The following KCNT2 variants were observed in gnomAD, a reference collection of about 807,000 sequenced individuals.
KCNT2 encodes the protein potassium sodium-activated channel subfamily T member 2, also known as potassium channel subfamily T member 2.
In KCNT2, 67 loss-of-function variants were observed where a neutral mutation model predicts 153.8. The ratio of observed to expected loss-of-function variants is 0.44; its 90% CI spans 0.36 to 0.53. The LOEUF is 0.53. KCNT2 is among the 20% of genes least tolerant of loss of function. The pLI is 0.00. For synonymous variants in KCNT2, 500 were observed against 458.8 expected (o/e 1.09, Z -1.15); for missense variants, 975 against 1,354.8 (o/e 0.72, Z 4.40).
chr1:196,478,176 G>A (rs1161136827), intron 5 of KCNT2, among the ~76,000 whole-genome samples: 2 of 152,026 alleles, frequency 1.3e-5, no homozygotes, highest in African/African-American at 4.8e-5. Flanking sequence ...GATTTCTTTA[G>A]CTTCTACCTT....
In KCNT2 at chr1:196,538,030, T is replaced by C. The variant is rs370152329; in HGVS notation, c.96-45689A>G. Among the ~76,000 whole-genome samples the C allele has an allele frequency of 2.0e-4, 31 of 152,208 alleles. No individual in the cohort carries two copies. The South Asian group carries it at 6.0e-3, about 30-fold the overall frequency. On this transcript the variant is annotated intron_variant, in intron 1 of 27. Coordinates refer to ENST00000294725, the MANE Select transcript of KCNT2 (RefSeq NM_198503.5). Reference sequence around the variant, plus strand: ...TCCTTTCCTGAGCTGTGTAGCCAGGTTTCCAGGTGCCCCACCTGCTCCTGA... The same window carrying C: ...TCCTTTCCTGAGCTGTGTAGCCAGGCTTCCAGGTGCCCCACCTGCTCCTGA...
chr1:196,371,460 T>C (rs1199018199), intron 14 of KCNT2, among the ~76,000 whole-genome samples: 1 of 152,002 alleles, frequency 6.6e-6, no homozygotes, highest in African/African-American at 2.4e-5. Context: ...ACTTTTAACA[T>C]ATTGAATTGT....
intron 11 of KCNT2, among the ~76,000 whole-genome samples, chr1:196,423,850 GA>G (rs1040079241): frequency 2.6e-5 from 4 of 151,810 alleles, no homozygotes; most frequent in Non-Finnish European, 5.9e-5. Context: ...ATGAGTGTTG[GA>G]TAACTTTCTT....
At chr1:196,386,334 T>C (rs1479407218) in intron 13 of KCNT2, among the ~76,000 whole-genome samples, 3 of 152,136 alleles carry the variant, frequency 2.0e-5, no homozygotes, top group African/African-American at 7.2e-5. Flanking sequence ...ATTTACATTG[T>C]TGTTTATACC....
chr1:196,243,389 G>C (rs547812632), intron 26 of KCNT2, among the ~76,000 whole-genome samples: 1 of 152,168 alleles, frequency 6.6e-6, no homozygotes, highest in Non-Finnish European at 1.5e-5. Context: ...CAAAGATGAG[G>C]TGAGCAACTA....
intron 8 of KCNT2, among the ~76,000 whole-genome samples, chr1:196,439,009 TTTAAAG>T (rs1263858749): frequency 2.6e-5 from 4 of 151,922 alleles, no homozygotes. Context: ...TACCTATTTT[TTTAAAG>T]TTTATGCACT....
intron 27 of KCNT2, among the ~76,000 whole-genome samples, chr1:196,228,907 C>T (rs1048747754): frequency 2.0e-5 from 3 of 151,828 alleles, no homozygotes; most frequent in African/African-American, 4.8e-5. Flanking sequence ...TAATGCATAA[C>T]GTTTAAATTA....
chr1:196,604,675 G>T (rs569091678), intron 1 of KCNT2, among the ~76,000 whole-genome samples: 2 of 151,550 alleles, frequency 1.3e-5, no homozygotes, highest in African/African-American at 2.4e-5. Flanking sequence ...TAAGGATGGC[G>T]TAAAGATAAT....
At chr1:196,452,496 C>T (rs545297617) in intron 8 of KCNT2, among the ~76,000 whole-genome samples, 1 of 152,052 alleles carries the variant, frequency 6.6e-6, no homozygotes, top group African/African-American at 2.4e-5. Context: ...CCCTCAACAA[C>T]CTGTGTACAG....
At position 196,544,283 on chromosome 1, in the gene KCNT2, C is replaced by A. The variant is rs145150552; in HGVS notation, c.96-51942G>T. The stretch of plus-strand genomic sequence containing the variant: ...ACAAAACAGACTATATAGCCACCAT[C>A]ATTTGTAAAAAGAAATATATATATT... On this transcript the variant is annotated intron_variant, in intron 1 of 27. Coordinates refer to ENST00000294725, the MANE Select transcript of KCNT2 (RefSeq NM_198503.5). Among the ~76,000 whole-genome samples, 83 of 151,936 alleles carry A rather than the reference C, an allele frequency of 5.5e-4. 1 individual carries two copies. The East Asian group carries it at 0.015, about 27-fold the overall frequency.
intron 21 of KCNT2, among the ~76,000 whole-genome samples, chr1:196,307,829 A>T (rs1467145942): frequency 1.3e-5 from 2 of 152,092 alleles, no homozygotes; most frequent in African/African-American, 4.8e-5. Context: ...TGGAAAAAAA[A>T]TGTCAATTGA....
chr1:196,569,555 G>C (rs1253242174), intron 1 of KCNT2, among the ~76,000 whole-genome samples: 1 of 152,048 alleles, frequency 6.6e-6, no homozygotes, highest in Non-Finnish European at 1.5e-5. Context: ...GTCTCTATTT[G>C]ATATGTACCA....
At chr1:196,352,402 A>G (rs1304549183) in intron 14 of KCNT2, among the ~76,000 whole-genome samples, 2 of 151,928 alleles carry the variant, frequency 1.3e-5, no homozygotes, top group Non-Finnish European at 2.9e-5. Flanking sequence ...TGGTCTATTC[A>G]GAGATTCAAC....
chr1:196,543,762 T>C (rs545368614), intron 1 of KCNT2, among the ~76,000 whole-genome samples: 4 of 152,246 alleles, frequency 2.6e-5, no homozygotes, highest in Non-Finnish European at 5.9e-5. Context: ...TGTGAGGATA[T>C]AGAAAACCTG....
At chr1:196,252,891 T>C (rs1440408623) in intron 26 of KCNT2, among the ~76,000 whole-genome samples, 2 of 151,566 alleles carry the variant, frequency 1.3e-5, no homozygotes, top group East Asian at 3.9e-4. Flanking sequence ...TTTTTTTGTT[T>C]TGTAAAGTTT....
intron 22 of KCNT2, among the ~76,000 whole-genome samples, chr1:196,301,413 T>C (rs1024897756): frequency 7.2e-5 from 11 of 152,184 alleles, no homozygotes; most frequent in Non-Finnish European, 1.5e-4. Context: ...AGCAAACCTC[T>C]GGAGGGCAAA....
intron 8 of KCNT2, among the ~76,000 whole-genome samples, chr1:196,432,245 T>C (rs1287797364): frequency 6.6e-6 from 1 of 152,094 alleles, no homozygotes; most frequent in Non-Finnish European, 1.5e-5. Context: ...ACCTTTCCTC[T>C]AGATTTCAAA....
intron 1 of KCNT2, among the ~76,000 whole-genome samples, chr1:196,532,941 A>G (rs1655132710): frequency 6.6e-6 from 1 of 152,080 alleles, no homozygotes; most frequent in Admixed American, 6.6e-5. Flanking sequence ...GTAAATCTGG[A>G]GCATTCAAAA....
At chr1:196,562,486 T>G (rs137993498) in intron 1 of KCNT2, among the ~76,000 whole-genome samples, 1,707 of 152,066 alleles carry the variant, frequency 0.011, 25 homozygotes, top group South Asian at 0.063. Context: ...ATTGGAGGAC[T>G]TAGAATTTTA....
Sources: gnomAD v4.1 joint callset for allele counts (sites outside exome capture counted in the v4.1 genomes callset) on GRCh38, gnomAD v4.1.1 for gene constraint, MANE v1.5 for transcripts, NCBI Gene and HGNC (gene_info 2026-07-23, HGNC 2026-07-21) for gene names.